The following PCF11 variants were observed in gnomAD, a reference collection of about 807,000 sequenced individuals.
PCF11 encodes the protein pre-mRNA cleavage complex 2 protein Pcf11.
In PCF11, 19 loss-of-function variants were observed where a neutral mutation model predicts 166.1. The ratio of observed to expected loss-of-function variants is 0.11; its 90% confidence interval spans 0.08 to 0.17. PCF11 has a LOEUF of 0.17. Among genes scored for constraint, PCF11 ranks in the 10% least tolerant of loss-of-function variants. The pLI, the probability that PCF11 is intolerant of heterozygous loss-of-function variation, is 1.00. For missense variants in PCF11, 1,565 were observed against 1,855.5 expected, an observed-to-expected ratio of 0.84 and a Z score of 2.88; for synonymous variants, 663 against 644.1, an observed-to-expected ratio of 1.03 and a Z score of -0.44.
chr11:83,167,656 T>A lies in PCF11; in HGVS notation c.2092+151T>A. On this transcript the variant is annotated intron_variant, in intron 7 of 15. Coordinates refer to ENST00000298281, the Ensembl canonical transcript of PCF11. This position sits in a 1 kb window ranked among gnomAD's most constrained non-coding sequence, Gnocchi z 4.2. ...CAGGTTCAGCATTCATTTCCAAGAC[T>A]TGATCTCTTAGATCCTGATATTTTT... The A allele has an allele frequency of 6.5e-7, 1 of 1,529,334 alleles. No individual in the cohort carries two copies. Among genetic ancestry groups the A allele is most frequent in the Non-Finnish European group, 8.8e-7 (1 of 1,142,016 alleles). 94.7% of individuals were successfully genotyped at this position (1,529,334 alleles called of 1,614,324 possible). A position where few individuals can be genotyped will look rare whatever the true frequency, so the allele number is the denominator to read the frequency against.
At chr11:83,184,952 G>A (rs1371940822) in exon 16 of PCF11, 1 of 1,236,676 alleles carries the variant, frequency 8.1e-7, no homozygotes, top group African/African-American at 1.6e-5. Context: ...GATCTAGAAG[G>A]TGAAGAATTT....
At chr11:83,159,089 GT>G (rs995716788) in intron 1 of PCF11, among the ~76,000 whole-genome samples, 1 of 151,544 alleles carries the variant, frequency 6.6e-6, no homozygotes, top group Non-Finnish European at 1.5e-5. Context: ...AAAAGGAAGG[GT>G]TTTTTTTCTT....
intron 1 of PCF11, chr11:83,157,986 T>G: frequency 3.8e-5 from 7 of 186,396 alleles, no homozygotes; most frequent in Non-Finnish European, 5.7e-5. Flanking sequence ...GCCATTTTAA[T>G]TCCCTGGGAA....
chr11:83,184,990 T>A, exon 16 of PCF11: 2 of 757,506 alleles, frequency 2.6e-6, no homozygotes, highest in Non-Finnish European at 4.1e-6. Flanking sequence ...CATATCTATA[T>A]AAATTGTCTG....
chr11:83,169,770 C>T lies in PCF11; in HGVS notation c.3435C>T (p.Ala1145=), dbSNP rs768697917. ...ATCCACCTGGCAATGCTTTTAATGC[C>T]CCATCCCAAGGACTACAGTTCCAAA... Residue 1145 remains alanine (A), a synonymous_variant, in exon 8 of 16, where the codon GCC becomes GCT. Transcript: ENST00000298281. The T allele has an allele frequency of 2.5e-6, 4 of 1,613,666 alleles. No homozygotes were observed. In the Admixed American group the frequency reaches 6.7e-5, roughly 27 times the overall value.
At chr11:83,170,985 A>T (rs1860669500) in intron 8 of PCF11, among the ~76,000 whole-genome samples, 1 of 152,200 alleles carries the variant, frequency 6.6e-6, no homozygotes, top group South Asian at 2.1e-4. Context: ...AATGGTACTT[A>T]CTTAGTCTTG....
chr11:83,170,295 C>T (rs1860642022), intron 8 of PCF11, among the ~76,000 whole-genome samples: 2 of 151,926 alleles, frequency 1.3e-5, no homozygotes, highest in African/African-American at 4.8e-5. Context: ...AGATATTATA[C>T]AATTGTGTGT....
At chr11:83,161,225 C>T in intron 1 of PCF11, 102 bp from the exon 2 acceptor site, 2 of 845,426 alleles carry the variant, frequency 2.4e-6, no homozygotes, top group African/African-American at 1.8e-5. Flanking sequence ...TATTTAGTAT[C>T]AACAAAAATA....
chr11:83,174,138 T>C (rs1860795357), intron 9 of PCF11, among the ~76,000 whole-genome samples: 1 of 152,168 alleles, frequency 6.6e-6, no homozygotes, highest in Non-Finnish European at 1.5e-5. Flanking sequence ...AATGGGACAT[T>C]AGGTGTGTCT....
At chr11:83,160,027 C>T (rs530791224) in intron 1 of PCF11, among the ~76,000 whole-genome samples, 1 of 152,152 alleles carries the variant, frequency 6.6e-6, no homozygotes. Flanking sequence ...CATGTTCGTA[C>T]TTAATATAGT....
chr11:83,168,462 T>C, exon 8 of PCF11: 1 of 1,608,000 alleles, frequency 6.2e-7, no homozygotes, highest in South Asian at 1.1e-5. Context: ...CATTCAATGA[T>C]CGTTTTCCAC....
exon 16 of PCF11, chr11:83,186,571 G>C (rs1399394699): frequency 1.3e-5 from 2 of 152,198 alleles, no homozygotes; most frequent in Non-Finnish European, 1.5e-5. Context: ...TCTTGGTCAT[G>C]CTAAGGAATT....
At chr11:83,159,334 T>C (rs1565149286) in intron 1 of PCF11, among the ~76,000 whole-genome samples, 1 of 152,198 alleles carries the variant, frequency 6.6e-6, no homozygotes, top group Non-Finnish European at 1.5e-5. Context: ...ATTAAATGCC[T>C]TAAAGCACTT....
Position 83,167,027 on chromosome 11 carries a change from C to A in PCF11, c.1818-98C>A. On this transcript the variant is annotated intron_variant, in intron 5 of 15. Coordinates refer to ENST00000298281, the Ensembl canonical transcript of PCF11. This position sits in a 1 kb window ranked among gnomAD's most constrained non-coding sequence, Gnocchi z 4.2. ...AATTACTTTTTGTGGTTACATATGC[C>A]CATTTTAACCATATCCTTTGAAAAG... 1 of 944,112 alleles carries A rather than the reference C, an allele frequency of 1.1e-6. No individual in the cohort carries two copies. Among genetic ancestry groups the A allele is most frequent in the Non-Finnish European group, 1.6e-6 (1 of 624,768 alleles). 58.5% of individuals were successfully genotyped at this position (944,112 alleles called of 1,614,324 possible). A position where few individuals can be genotyped will look rare whatever the true frequency, so the allele number is the denominator to read the frequency against.
At chr11:83,169,512 A>G in exon 8 of PCF11, 1 of 1,613,874 alleles carries the variant, frequency 6.2e-7, no homozygotes, top group Non-Finnish European at 8.5e-7. Context: ...ATGGTCAGCC[A>G]GGTCCTAGAT....
At position 83,184,818 on chromosome 11, in the gene PCF11, C is replaced by G. The variant is rs374574736; in HGVS notation, c.4592C>G (p.Pro1531Arg). ...GTTAAGGAAGAACGAATTGATACAC[C>G]ACCAGCTTGTACAGAGGAAAGCATA... The change falls in exon 16 of 16, where the codon CCA (proline) becomes CGA (arginine). Residue 1531 changes from proline to arginine, a missense_variant. Pro to Arg is a moderately radical substitution (Grantham distance 103). Coordinates refer to ENST00000298281, the Ensembl canonical transcript of PCF11. 187 of 1,605,682 alleles carry G rather than the reference C, an allele frequency of 1.2e-4. 7 individuals are homozygous for G. In the East Asian group the frequency reaches 1.2e-3, roughly 10 times the overall value.
chr11:83,182,547 A>G, intron 14 of PCF11, 56 bp downstream of exon 14: 6 of 865,780 alleles, frequency 6.9e-6, no homozygotes, highest in South Asian at 1.5e-5. Context: ...TTGTTGGGTT[A>G]ACACATTACT....
chr11:83,185,463 T>TATAC (rs935823523), exon 16 of PCF11: 3 of 152,116 alleles, frequency 2.0e-5, no homozygotes, highest in African/African-American at 7.3e-5. Flanking sequence ...TATATATATA[T>TATAC]ACACAAACAC....
chr11:83,164,340 A>G, exon 4 of PCF11: 1 of 1,613,754 alleles, frequency 6.2e-7, no homozygotes, highest in East Asian at 2.2e-5. Context: ...AAGCAAAAAC[A>G]GTTGTTAGAA....
Sources: gnomAD v4.1 joint callset for allele counts (sites outside exome capture counted in the v4.1 genomes callset) on GRCh38, gnomAD v4.1.1 for gene constraint, Gnocchi (gnomAD v3.1) non-coding constraint, MANE v1.5 for transcripts, NCBI Gene and HGNC (gene_info 2026-07-23, HGNC 2026-07-21) for gene names.